The following TMEM33 variants were observed in gnomAD, a reference collection of about 807,000 sequenced individuals.
TMEM33 encodes transmembrane protein 33.
Under a neutral mutation model 29.7 loss-of-function variants are expected in TMEM33, and 16 were observed. The ratio of observed to expected loss-of-function variants is 0.54; its 90% CI spans 0.36 to 0.82. The LOEUF (loss-of-function observed/expected upper bound fraction) is 0.82. TMEM33 is among the 40% of genes least tolerant of loss of function. The pLI, the probability that TMEM33 is intolerant of heterozygous loss-of-function variation, is 0.00. For synonymous variants in TMEM33, 112 were observed against 109.4 expected, an observed-to-expected ratio of 1.02 and a Z score of -0.15; for missense variants, 252 against 295.3, an observed-to-expected ratio of 0.85 and a Z score of 1.08.
chr4:41,938,703 A>T lies in TMEM33; in HGVS notation c.140+7A>T. On this transcript the variant is annotated splice_region_variant and intron_variant, in intron 2 of 6. Transcript: ENST00000504986. Reference sequence around the variant, plus strand: ...TTGTTCTGCCTCTTCTTGGGTATGTATTATACATATTGCTGCCTTTGATAT... The same window carrying T: ...TTGTTCTGCCTCTTCTTGGGTATGTTTTATACATATTGCTGCCTTTGATAT... 1 of 1,613,446 alleles carries T rather than the reference A, an allele frequency of 6.2e-7. No individual in the cohort carries two copies. The highest frequency in any genetic ancestry group is 8.5e-7 in the Non-Finnish European group (1 of 1,179,494).
At chr4:41,946,478 A>G (rs1712794229) in intron 5 of TMEM33, among the ~76,000 whole-genome samples, 1 of 152,138 alleles carries the variant, frequency 6.6e-6, no homozygotes, top group Admixed American at 6.5e-5. Flanking sequence ...AGTTTTATAG[A>G]TTTCCTTATA....
intron 5 of TMEM33, 47 bp downstream of exon 5, chr4:41,944,973 A>G: frequency 6.3e-7 from 1 of 1,595,448 alleles, no homozygotes; most frequent in South Asian, 1.1e-5. Context: ...ACTGAACGTA[A>G]TAAAGATAGT....
chr4:41,955,772 C>G lies in TMEM33; in HGVS notation c.*1573C>G, dbSNP rs1455621744. 6.6e-6 allele frequency: 1 copy of G among 152,554 alleles called. No individual in the cohort carries two copies. The highest frequency in any genetic ancestry group is 1.5e-5 in the Non-Finnish European group (1 of 68,024). 9.5% of individuals were successfully genotyped at this position (152,554 alleles called of 1,614,324 possible). Reference sequence around the variant, plus strand: ...TAATCCAATGGTTTTAGAAACTAAACTTTCTAGAGCAATAAAATGACTATA... The same window carrying G: ...TAATCCAATGGTTTTAGAAACTAAAGTTTCTAGAGCAATAAAATGACTATA... On this transcript the variant is annotated 3_prime_UTR_variant, in exon 7 of 7. Coordinates refer to ENST00000504986, the MANE Select transcript of TMEM33 (RefSeq NM_018126.3).
intron 3 of TMEM33, 46 bp downstream of exon 3, chr4:41,939,429 A>G: frequency 6.3e-7 from 1 of 1,589,286 alleles, no homozygotes; most frequent in African/African-American, 1.4e-5. Context: ...AACTAAGCAT[A>G]TAGGAGATCT....
At chr4:41,943,675 G>T in intron 3 of TMEM33, 72 bp from the exon 4 acceptor site, 1 of 1,340,686 alleles carries the variant, frequency 7.5e-7, no homozygotes, top group Non-Finnish European at 1.1e-6. Context: ...CTGTATATTT[G>T]GACATAATAC....
At chr4:41,938,764 A>C (rs1398391646) in intron 2 of TMEM33, 68 bp downstream of exon 2, 1 of 1,467,496 alleles carries the variant, frequency 6.8e-7, no homozygotes, top group East Asian at 2.3e-5. Context: ...AGTGCCTTTT[A>C]GGTGTAAGAC....
At position 41,956,442 on chromosome 4, in the gene TMEM33, G is replaced by GT. The variant is rs200143820; in HGVS notation, c.*2252dup. Reference sequence around the variant, plus strand: ...TATAAAACTTATTTGAATTTCAACAGTTTTTTTTTCATTTCTTATTTTCCT... The same window carrying GT: ...TATAAAACTTATTTGAATTTCAACAGTTTTTTTTTTCATTTCTTATTTTCCT... On this transcript the variant is annotated 3_prime_UTR_variant, in exon 7 of 7. Coordinates refer to ENST00000504986, the MANE Select transcript of TMEM33 (RefSeq NM_018126.3). The GT allele has an allele frequency of 9.3e-4, 141 of 150,836 alleles. No homozygotes were observed. The highest frequency in any genetic ancestry group is 1.6e-3 in the Non-Finnish European group (106 of 67,658). 9.3% of individuals were successfully genotyped at this position (150,836 alleles called of 1,614,324 possible). A position where few individuals can be genotyped will look rare whatever the true frequency, so the allele number is the denominator to read the frequency against.
chr4:41,951,161 T>C (rs1713023147), intron 6 of TMEM33, among the ~76,000 whole-genome samples: 1 of 152,200 alleles, frequency 6.6e-6, no homozygotes, highest in South Asian at 2.1e-4. Flanking sequence ...CAGTTGTTTT[T>C]GGATCTCTAG....
rs1174084086 is a variant in TMEM33, at chr4:41,959,972, C to A, written c.*5773C>A. 4 of 152,212 alleles carry A rather than the reference C, an allele frequency of 2.6e-5. No individual in the cohort carries two copies. The highest frequency in any genetic ancestry group is 2.6e-4 in the Admixed American group (4 of 15,294). 9.4% of individuals were successfully genotyped at this position (152,212 alleles called of 1,614,324 possible). On this transcript the variant is annotated 3_prime_UTR_variant, in exon 7 of 7. Transcript: ENST00000504986. ...TAATATTGTACAGGTTGGGGAGTTACATTCTTCAGGCCAATACTATCCAGA... is the reference window on the plus strand; with the variant it reads ...TAATATTGTACAGGTTGGGGAGTTAAATTCTTCAGGCCAATACTATCCAGA...
At position 41,957,952 on chromosome 4, in the gene TMEM33, A is replaced by G. The variant is rs1240558504; in HGVS notation, c.*3753A>G. 1 of 152,220 alleles carries G rather than the reference A, an allele frequency of 6.6e-6. No homozygotes were observed. The highest frequency in any genetic ancestry group is 2.4e-5 in the African/African-American group (1 of 41,430). The allele number at this position is 152,220 out of a possible 1,614,324, so 9.4% of individuals were successfully genotyped here. On this transcript the variant is annotated 3_prime_UTR_variant, in exon 7 of 7. Transcript: ENST00000504986. ...CTATAAAACTAAGTCCCTGAATTCCATGGCCCTTTTAAATATGTAATCATT... is the reference window on the plus strand; with the variant it reads ...CTATAAAACTAAGTCCCTGAATTCCGTGGCCCTTTTAAATATGTAATCATT...
chr4:41,950,253 A>T (rs932456776), intron 6 of TMEM33, among the ~76,000 whole-genome samples: 1 of 152,312 alleles, frequency 6.6e-6, no homozygotes, highest in South Asian at 2.1e-4. Flanking sequence ...GCATTGGAGT[A>T]AAACTAAAAT....
chr4:41,936,190 A>C (rs996555840), intron 1 of TMEM33, among the ~76,000 whole-genome samples: 1 of 152,200 alleles, frequency 6.6e-6, no homozygotes, highest in African/African-American at 2.4e-5. Flanking sequence ...TCCATGTGCA[A>C]ATTTCCATAA....
rs1439187248 is a variant in TMEM33, at chr4:41,960,291, G to T, written c.*6092G>T. On this transcript the variant is annotated 3_prime_UTR_variant, in exon 7 of 7. Transcript: ENST00000504986. ...CTGGTACCTGTGAAAGTAAGCCCTG[G>T]GATCCATATTTGTTTTGTGTTCTGC... is the stretch of plus-strand genomic sequence containing the variant. 6.6e-6 allele frequency: 1 copy of T among 152,040 alleles called. No homozygotes were observed. The highest frequency in any genetic ancestry group is 1.9e-4 in the East Asian group (1 of 5,202). 9.4% of individuals were successfully genotyped at this position (152,040 alleles called of 1,614,324 possible). A position where few individuals can be genotyped will look rare whatever the true frequency, so the allele number is the denominator to read the frequency against.
chr4:41,943,715 T>C (rs1340654872), intron 3 of TMEM33, 32 bp from the exon 4 acceptor site: 1 of 1,600,066 alleles, frequency 6.2e-7, no homozygotes. Flanking sequence ...ACTTGATGAC[T>C]TTTAAATGTT....
At chr4:41,954,041 T>C (rs1243995091) in intron 6 of TMEM33, 29 bp from the exon 7 acceptor site, 1 of 1,609,712 alleles carries the variant, frequency 6.2e-7, no homozygotes, top group East Asian at 2.2e-5. Context: ...TTCCTTGTGT[T>C]TCTCAAAGAA....
chr4:41,952,938 A>G (rs917670794), intron 6 of TMEM33, among the ~76,000 whole-genome samples: 1 of 152,124 alleles, frequency 6.6e-6, no homozygotes, highest in African/African-American at 2.4e-5. Flanking sequence ...TATATAAAAA[A>G]CACTGTCCAT....
At chr4:41,950,419 T>A (rs1712986401) in intron 6 of TMEM33, among the ~76,000 whole-genome samples, 1 of 152,124 alleles carries the variant, frequency 6.6e-6, no homozygotes, top group Non-Finnish European at 1.5e-5. Flanking sequence ...CATTAACTAG[T>A]TGTGTGACTA....
intron 3 of TMEM33, among the ~76,000 whole-genome samples, chr4:41,941,324 A>G (rs561617160): frequency 5.9e-5 from 9 of 152,362 alleles, no homozygotes; most frequent in African/African-American, 2.2e-4. Flanking sequence ...CTTTGCAGTC[A>G]CCAATGTTAA....
At chr4:41,943,252 C>T (rs1237611368) in intron 3 of TMEM33, among the ~76,000 whole-genome samples, 2 of 152,166 alleles carry the variant, frequency 1.3e-5, no homozygotes, top group Non-Finnish European at 2.9e-5. Context: ...TGGCCGGGCG[C>T]AGTGACTCAC....
Sources: allele counts gnomAD v4.1 joint callset (sites outside exome capture counted in the v4.1 genomes callset), GRCh38; gene constraint gnomAD v4.1.1; transcripts MANE v1.5; gene names NCBI Gene and HGNC (gene_info 2026-07-23, HGNC 2026-07-21).